The following SYT17 variants were observed in gnomAD, a reference collection of about 807,000 sequenced individuals.
SYT17 encodes the protein synaptotagmin-17.
A neutral mutation model predicts 46.7 loss-of-function variants in SYT17; 22 were observed. The observed-to-expected ratio is 0.47, with a 90% confidence interval of 0.34 to 0.67. The LOEUF is 0.67. Among genes scored for constraint, SYT17 ranks in the 30% least tolerant of loss-of-function variants. The pLI is 0.01. For missense variants in SYT17, 519 were observed against 612.8 expected (o/e 0.85, Z 1.62); for synonymous variants, 251 against 248.4 (o/e 1.01, Z -0.10).
rs538905458 is a variant in SYT17 at position 19,225,789 on chromosome 16, C to T, written c.1228+951C>T. Among the ~76,000 whole-genome samples the T allele has an allele frequency of 1.4e-4, 21 of 152,320 alleles. No individual in the cohort carries two copies. The South Asian group carries it at 4.0e-3, about 29-fold the overall frequency. Reference sequence around the variant, plus strand: ...ATGGGCTTTACCATAGAACAACTCACAACATGACTTTCATCAGAGTGGTCA... The same window carrying T: ...ATGGGCTTTACCATAGAACAACTCATAACATGACTTTCATCAGAGTGGTCA... On this transcript the variant is annotated intron_variant, in intron 7 of 7. Transcript: ENST00000355377.
At chr16:19,205,271 T>C (rs1965622237) in intron 5 of SYT17, among the ~76,000 whole-genome samples, 1 of 152,182 alleles carries the variant, frequency 6.6e-6, no homozygotes, top group Admixed American at 6.5e-5. Context: ...TCCTGGACTC[T>C]GCTTCGGCCA....
At chr16:19,249,209 G>A (rs1356864998) in intron 7 of SYT17, among the ~76,000 whole-genome samples, 2 of 151,848 alleles carry the variant, frequency 1.3e-5, no homozygotes, top group African/African-American at 4.8e-5. Flanking sequence ...AGAAGGCGGA[G>A]CTTGCAGTGA....
intron 3 of SYT17, 111 bp from the exon 4 acceptor site, chr16:19,180,280 C>A: frequency 8.5e-7 from 1 of 1,178,914 alleles, no homozygotes; most frequent in South Asian, 1.4e-5. Flanking sequence ...TTCCATGTTG[C>A]ATAAAATGAG....
chr16:19,212,852 G>T (rs558451963), intron 5 of SYT17, among the ~76,000 whole-genome samples: 39 of 152,302 alleles, frequency 2.6e-4, no homozygotes, highest in African/African-American at 9.4e-4. Context: ...TGTATTTGGT[G>T]CTTGGATGTC....
intron 5 of SYT17, among the ~76,000 whole-genome samples, chr16:19,184,572 T>G (rs1468224318): frequency 6.6e-6 from 1 of 151,860 alleles, no homozygotes; most frequent in African/African-American, 2.4e-5. Flanking sequence ...ATTTTTTTTT[T>G]TTTTAGTAGA....
At chr16:19,242,083 G>A (rs1967174043) in intron 7 of SYT17, among the ~76,000 whole-genome samples, 1 of 152,202 alleles carries the variant, frequency 6.6e-6, no homozygotes, top group Non-Finnish European at 1.5e-5. Context: ...TAGAATCTGA[G>A]CTCTCAGTTA....
intron 1 of SYT17, chr16:19,169,902 A>T (rs1395081127): frequency 6.6e-6 from 1 of 152,304 alleles, no homozygotes; most frequent in South Asian, 2.1e-4. Context: ...TTTAGTGAGA[A>T]ATGAACATGA....
intron 3 of SYT17, among the ~76,000 whole-genome samples, chr16:19,178,168 T>C (rs865911837): frequency 5.9e-4 from 89 of 152,100 alleles, no homozygotes; most frequent in Middle Eastern, 6.8e-3. Context: ...CTGCAAGCTC[T>C]GCCTCCCGGG....
chr16:19,248,808 C>T (rs1329376159), intron 7 of SYT17, among the ~76,000 whole-genome samples: 1 of 151,924 alleles, frequency 6.6e-6, no homozygotes, highest in Non-Finnish European at 1.5e-5. Flanking sequence ...GGTGACAGAG[C>T]AAGACTCTGT....
intron 1 of SYT17, 74 bp from the exon 2 acceptor site, chr16:19,172,686 T>C (rs1481542678): frequency 1.6e-5 from 25 of 1,594,704 alleles, no homozygotes; most frequent in South Asian, 2.3e-5. Flanking sequence ...ATTGCTAAAC[T>C]GGTCTTGTCT....
At chr16:19,231,250 G>T (rs562326026) in intron 7 of SYT17, among the ~76,000 whole-genome samples, 2 of 152,158 alleles carry the variant, frequency 1.3e-5, no homozygotes, top group African/African-American at 2.4e-5. Flanking sequence ...AGTGGCCAGG[G>T]TTTCCTGTCC....
At chr16:19,262,245 G>T (rs1236000853) in intron 7 of SYT17, among the ~76,000 whole-genome samples, 1 of 152,204 alleles carries the variant, frequency 6.6e-6, no homozygotes, top group Non-Finnish European at 1.5e-5. Context: ...CATGTGGGAG[G>T]TGATTAGACC....
At chr16:19,241,738 C>T (rs957724590) in intron 7 of SYT17, among the ~76,000 whole-genome samples, 3 of 152,234 alleles carry the variant, frequency 2.0e-5, no homozygotes, top group Admixed American at 6.5e-5. Context: ...ACAGCTACGG[C>T]GGGGCAGAGA....
chr16:19,260,526 A>G (rs1210905815), intron 7 of SYT17, among the ~76,000 whole-genome samples: 2 of 145,178 alleles, frequency 1.4e-5, no homozygotes, highest in Non-Finnish European at 3.0e-5. Flanking sequence ...AAAAAAAAAA[A>G]AAGGAAAGAA....
At chr16:19,251,507 G>T (rs1968064508) in intron 7 of SYT17, among the ~76,000 whole-genome samples, 1 of 152,220 alleles carries the variant, frequency 6.6e-6, no homozygotes, top group Non-Finnish European at 1.5e-5. Flanking sequence ...GTGTGTCTGA[G>T]TTCTAGGGCC....
At chr16:19,212,390 G>A (rs1045539985) in intron 5 of SYT17, among the ~76,000 whole-genome samples, 1 of 152,144 alleles carries the variant, frequency 6.6e-6, no homozygotes, top group Admixed American at 6.5e-5. Flanking sequence ...GGAGGCCAAG[G>A]TGGGCAGATC....
chr16:19,175,645 CAAAAAAAAA>C (rs34788366), intron 3 of SYT17, among the ~76,000 whole-genome samples: 3 of 67,778 alleles, frequency 4.4e-5, no homozygotes, highest in East Asian at 6.5e-4. Flanking sequence ...AGCAAGACTT[CAAAAAAAAA>C]AAAAAAAAAA....
chr16:19,190,017 A>C (rs1015624714), intron 5 of SYT17, among the ~76,000 whole-genome samples: 1 of 152,172 alleles, frequency 6.6e-6, no homozygotes, highest in Non-Finnish European at 1.5e-5. Flanking sequence ...TCTCAGTGAT[A>C]AGGTTGGCTG....
At chr16:19,245,744 A>G (rs56176085) in intron 7 of SYT17, among the ~76,000 whole-genome samples, 22,877 of 152,180 alleles carry the variant, frequency 0.15, 2,468 homozygotes, top group African/African-American at 0.3. Flanking sequence ...CCCCCAGGTG[A>G]CAGGGCCTGG....
Sources: allele counts gnomAD v4.1 joint callset (sites outside exome capture counted in the v4.1 genomes callset), GRCh38; gene constraint gnomAD v4.1.1; transcripts MANE v1.5; gene names NCBI Gene and HGNC (gene_info 2026-07-23, HGNC 2026-07-21).